The following SUPT3H variants were observed in gnomAD, a reference collection of about 807,000 sequenced individuals.
The protein encoded by SUPT3H is transcription initiation protein SPT3 homolog.
Under a neutral mutation model 44.3 loss-of-function variants are expected in SUPT3H, and 44 were observed. The ratio of observed to expected loss-of-function variants is 0.99; its 90% CI spans 0.78 to 1.28. The LOEUF is 1.28. Among genes scored for constraint, SUPT3H ranks in the 50% most tolerant of loss-of-function variants. SUPT3H has a pLI of 0.00. For synonymous variants in SUPT3H, 124 were observed against 125.6 expected, an observed-to-expected ratio of 0.99 and a Z score of 0.09; for missense variants, 380 against 387.1, an observed-to-expected ratio of 0.98 and a Z score of 0.15.
At chr6:45,061,078 C>T (rs570548315) in intron 3 of SUPT3H, among the ~76,000 whole-genome samples, 5 of 152,044 alleles carry the variant, frequency 3.3e-5, no homozygotes, top group Non-Finnish European at 7.4e-5. Context: ...CCATTTGACC[C>T]AGCAATGCCA....
Position 45,014,897 on chromosome 6 carries a change from A to G in SUPT3H, c.274-6T>C. On this transcript the variant is annotated splice_polypyrimidine_tract_variant and splice_region_variant and intron_variant, in intron 4 of 10. Transcript: ENST00000371459. ...AGCAGTCTTCTAAGTTTTTTCTATT[A>G]AAAATATAAAATAAGTAAATAAGAA... 6.8e-7 allele frequency: 1 copy of G among 1,476,196 alleles called. No homozygotes were observed. The highest frequency in any genetic ancestry group is 9.1e-7 in the Non-Finnish European group (1 of 1,104,136). The allele number at this position is 1,476,196 out of a possible 1,614,324, so 91.4% of individuals were successfully genotyped here.
chr6:45,031,564 G>GT (rs1480251530), intron 3 of SUPT3H, among the ~76,000 whole-genome samples: 2 of 152,138 alleles, frequency 1.3e-5, no homozygotes, highest in African/African-American at 4.8e-5. Context: ...TGTTGTTACG[G>GT]TTTTTAACAG....
At chr6:45,328,459 CAGTG>C (rs1454013541) in intron 2 of SUPT3H, 1 of 1,471,818 alleles carries the variant, frequency 6.8e-7, no homozygotes, top group Admixed American at 1.8e-5. Flanking sequence ...CCAACAGAGT[CAGTG>C]AGTGCTCTCT....
chr6:45,037,844 A>G (rs1336968153), intron 3 of SUPT3H, among the ~76,000 whole-genome samples: 1 of 151,800 alleles, frequency 6.6e-6, no homozygotes, highest in East Asian at 1.9e-4. Flanking sequence ...TATCTAGATA[A>G]CAAAATCATA....
intron 10 of SUPT3H, among the ~76,000 whole-genome samples, chr6:44,849,719 A>G (rs1169837247): frequency 1.3e-5 from 2 of 152,142 alleles, no homozygotes; most frequent in Non-Finnish European, 2.9e-5. Context: ...GAAATAACTA[A>G]ATATGTGCAG....
At chr6:45,082,556 C>G (rs954024787) in intron 3 of SUPT3H, among the ~76,000 whole-genome samples, 5 of 152,242 alleles carry the variant, frequency 3.3e-5, no homozygotes, top group South Asian at 4.2e-4. Context: ...ATATGAGTAT[C>G]TCAACAGACA....
At chr6:45,243,489 AGTTAAACT>A (rs1198093178) in intron 2 of SUPT3H, among the ~76,000 whole-genome samples, 1 of 142,244 alleles carries the variant, frequency 7.0e-6, no homozygotes, top group Non-Finnish European at 1.6e-5. Flanking sequence ...ATAAATCACT[AGTTAAACT>A]AACTGAGAAT....
chr6:45,246,999 G>C (rs937862768), intron 2 of SUPT3H, among the ~76,000 whole-genome samples: 1 of 152,102 alleles, frequency 6.6e-6, no homozygotes, highest in African/African-American at 2.4e-5. Context: ...ATTGAAAACA[G>C]AGTAAAATCA....
Position 44,815,026 on chromosome 6 carries a change from T to C in SUPT3H, c.*53-5525A>G, listed in dbSNP as rs554249878. On this transcript the variant is annotated intron_variant and NMD_transcript_variant, in intron 11 of 11. Transcript: ENST00000475057. ...ACTCTGCAGTCTTAAAAAAAAGTCA[T>C]GAGAAAGTGTTACTATAGGTTACAA... Among the ~76,000 whole-genome samples, 60 of 152,190 alleles carry C rather than the reference T, an allele frequency of 3.9e-4. 1 individual carries two copies. The South Asian group carries it at 0.012, about 31-fold the overall frequency.
chr6:45,374,929 G>A (rs574552896), intron 1 of SUPT3H, among the ~76,000 whole-genome samples: 279 of 152,246 alleles, frequency 1.8e-3, no homozygotes, highest in African/African-American at 6.5e-3. Flanking sequence ...ATTTCTGGCC[G>A]GGCACGGTGG....
chr6:44,977,028 A>G (rs1352044626), intron 6 of SUPT3H, among the ~76,000 whole-genome samples: 1 of 152,228 alleles, frequency 6.6e-6, no homozygotes, highest in East Asian at 1.9e-4. Flanking sequence ...ACTCATGAGT[A>G]AATGTATTAT....
chr6:44,889,628 C>T (rs1257413017), intron 10 of SUPT3H, among the ~76,000 whole-genome samples: 2 of 152,198 alleles, frequency 1.3e-5, no homozygotes, highest in Non-Finnish European at 2.9e-5. Flanking sequence ...GGATTAAAGA[C>T]TTAAACGTTA....
intron 2 of SUPT3H, among the ~76,000 whole-genome samples, chr6:45,335,956 G>A (rs1788464758): frequency 6.6e-6 from 1 of 151,164 alleles, no homozygotes; most frequent in Non-Finnish European, 1.5e-5. Flanking sequence ...AATGCCTATG[G>A]AGATACTACT....
At chr6:45,059,818 C>G (rs1791696772) in intron 3 of SUPT3H, among the ~76,000 whole-genome samples, 1 of 151,886 alleles carries the variant, frequency 6.6e-6, no homozygotes, top group African/African-American at 2.4e-5. Context: ...AGCAGAGAGC[C>G]AAATCATAAA....
In SUPT3H at chr6:44,863,214, G is replaced by A. The variant is rs564960614; in HGVS notation, c.913-33357C>T. Among the ~76,000 whole-genome samples the A allele has an allele frequency of 2.0e-4, 30 of 152,260 alleles. No individual in the cohort carries two copies. The East Asian group carries it at 5.6e-3, about 28-fold the overall frequency. Reference sequence around the variant, plus strand: ...TTACTTACCAGTCACTCTTCTAGGTGTGGGAATGCACCTGTGAGCCAAACA... The same window carrying A: ...TTACTTACCAGTCACTCTTCTAGGTATGGGAATGCACCTGTGAGCCAAACA... On this transcript the variant is annotated intron_variant, in intron 10 of 10. Transcript: ENST00000371459.
chr6:45,339,172 G>A (rs570876739), intron 2 of SUPT3H, among the ~76,000 whole-genome samples: 1 of 152,018 alleles, frequency 6.6e-6, no homozygotes, highest in Non-Finnish European at 1.5e-5. Context: ...TAAGAAAAAA[G>A]GGATTGAAAG....
At chr6:45,144,283 A>G (rs1805684211) in intron 2 of SUPT3H, among the ~76,000 whole-genome samples, 1 of 152,158 alleles carries the variant, frequency 6.6e-6, no homozygotes, top group Non-Finnish European at 1.5e-5. Context: ...ACGTAGATGC[A>G]AAGATCCTTA....
intron 10 of SUPT3H, among the ~76,000 whole-genome samples, chr6:44,846,591 G>A (rs1771906087): frequency 6.6e-6 from 1 of 152,102 alleles, no homozygotes; most frequent in East Asian, 1.9e-4. Context: ...GAACAGGGGA[G>A]GGCTGAGCTT....
intron 2 of SUPT3H, among the ~76,000 whole-genome samples, chr6:45,226,494 G>A (rs1328530404): frequency 1.3e-5 from 2 of 152,058 alleles, no homozygotes; most frequent in Non-Finnish European, 2.9e-5. Flanking sequence ...CTTGAGGCCA[G>A]GAGTTTCAGG....
Sources: allele counts gnomAD v4.1 joint callset (sites outside exome capture counted in the v4.1 genomes callset), GRCh38; gene constraint gnomAD v4.1.1; transcripts MANE v1.5; gene names NCBI Gene and HGNC (gene_info 2026-07-23, HGNC 2026-07-21).